Variants in RNF146 observed in about 807,000 individuals in gnomAD.
RNF146 encodes E3 ubiquitin-protein ligase RNF146.
Under a neutral mutation model 29.7 loss-of-function variants are expected in RNF146, and 11 were observed. That is an observed-to-expected ratio of 0.37 (90% confidence interval 0.23 to 0.61). The LOEUF (loss-of-function observed/expected upper bound fraction) is 0.61. RNF146 is among the 20% of genes least tolerant of loss of function. The pLI, the probability that RNF146 is intolerant of heterozygous loss-of-function variation, is 0.66. For synonymous variants in RNF146, 150 were observed against 159.7 expected, an observed-to-expected ratio of 0.94 and a Z score of 0.46; for missense variants, 342 against 438.9, an observed-to-expected ratio of 0.78 and a Z score of 1.97.
In RNF146 at chr6:127,286,499, C is replaced by G. The variant is rs4266509; in HGVS notation, c.3-117C>G. ...ACTTTCATCTTCATATCCCCATTGT[C>G]TAGTATGTGGCTTGCATATAATGCA... On this transcript the variant is annotated intron_variant, in intron 2 of 2. Transcript: ENST00000368314. This position sits in a 1 kb window ranked among gnomAD's most constrained non-coding sequence, Gnocchi z 4.6. 1 of 965,822 alleles carries G rather than the reference C, an allele frequency of 1.0e-6. No homozygotes were observed. The highest frequency in any genetic ancestry group is 1.5e-6 in the Non-Finnish European group (1 of 664,394). 59.8% of individuals were successfully genotyped at this position (965,822 alleles called of 1,614,324 possible). A position where few individuals can be genotyped will look rare whatever the true frequency, so the allele number is the denominator to read the frequency against.
chr6:127,278,279 T>C (rs1402254645), intron 1 of RNF146, among the ~76,000 whole-genome samples: 1 of 151,792 alleles, frequency 6.6e-6, no homozygotes, highest in African/African-American at 2.4e-5. Flanking sequence ...ATTTACAATG[T>C]TATGCAACTA....
chr6:127,270,000 A>G (rs1777238283), intron 1 of RNF146, among the ~76,000 whole-genome samples: 1 of 152,118 alleles, frequency 6.6e-6, no homozygotes, highest in Admixed American at 6.5e-5. Flanking sequence ...TTGTTTTTAT[A>G]TGTATTTATA....
chr6:127,271,131 A>G (rs1369679088), intron 1 of RNF146, among the ~76,000 whole-genome samples: 2 of 152,166 alleles, frequency 1.3e-5, no homozygotes, highest in Admixed American at 1.3e-4. Flanking sequence ...GATTTTTTAA[A>G]TAATGTTTTC....
rs765449163 is a variant in RNF146 at position 127,287,223 on chromosome 6, G to A, written c.610G>A (p.Val204Ile). The change falls in exon 3 of 3, where the codon GTA becomes ATA. Residue 204 changes from valine (V) to isoleucine (I), a missense_variant. Val to Ile is a conservative substitution (Grantham distance 29). Transcript: ENST00000368314. ...GAGCTCTGCTGACGGAGCGGACAGTGTATCAGCACAGAGTGGAGCTTCTGT... is the reference window on the plus strand; with the variant it reads ...GAGCTCTGCTGACGGAGCGGACAGTATATCAGCACAGAGTGGAGCTTCTGT... ...RESSADGADS[V>I]SAQSGASVQP... 2 of 1,613,422 alleles carry A rather than the reference G, an allele frequency of 1.2e-6. No individual in the cohort carries two copies. Among genetic ancestry groups the A allele is most frequent in the Non-Finnish European group, 1.7e-6 (2 of 1,179,628 alleles).
Position 127,286,937 on chromosome 6 carries a change from T to C in RNF146, c.324T>C (p.Tyr108=), listed in dbSNP as rs756987140. The C allele has an allele frequency of 4.3e-6, 7 of 1,613,464 alleles. No individual in the cohort carries two copies. Among genetic ancestry groups the C allele is most frequent in the South Asian group, 1.1e-5 (1 of 91,078 alleles). The change falls in exon 3 of 3, where the codon TAT becomes TAC. Residue 108 remains tyrosine (Y), a synonymous_variant. Transcript: ENST00000368314. This position sits in a 1 kb window ranked among gnomAD's most constrained non-coding sequence, Gnocchi z 4.6. ...GAAATGGTGAATATGCATGGTATTATGAAGGAAGAAATGGGTGGTGGCAGT... is the reference window on the plus strand; with the variant it reads ...GAAATGGTGAATATGCATGGTATTACGAAGGAAGAAATGGGTGGTGGCAGT... The part of the protein sequence containing the change: ...SRGNGEYAWY[Y]EGRNGWWQYD...
rs993972320 is a variant in RNF146 at position 127,288,247 on chromosome 6, C to T, written c.*554C>T. 6.0e-6 allele frequency: 1 copy of T among 166,964 alleles called. No individual in the cohort carries two copies. Among genetic ancestry groups the T allele is most frequent in the Non-Finnish European group, 1.5e-5 (1 of 68,152 alleles). The allele number at this position is 166,964 out of a possible 1,614,324, so 10.3% of individuals were successfully genotyped here. On this transcript the variant is annotated 3_prime_UTR_variant, in exon 3 of 3. Transcript: ENST00000368314. ...GTTTCAGAATGTTTGTAACACACTT[C>T]ATGGTGTTCCCATAGGCTTTGCTGT...
At chr6:127,276,646 A>G (rs908676902) in intron 1 of RNF146, among the ~76,000 whole-genome samples, 1 of 152,030 alleles carries the variant, frequency 6.6e-6, no homozygotes, top group African/African-American at 2.4e-5. Flanking sequence ...GTAGGTCCCC[A>G]TGAAATTGAA....
At chr6:127,275,659 CAT>C (rs549648981) in intron 1 of RNF146, among the ~76,000 whole-genome samples, 24 of 152,082 alleles carry the variant, frequency 1.6e-4, no homozygotes, top group African/African-American at 4.8e-4. Context: ...ACATACAAAA[CAT>C]AGAGGAGAGA....
chr6:127,269,307 CTG>C (rs761537152), intron 1 of RNF146, among the ~76,000 whole-genome samples: 1 of 152,246 alleles, frequency 6.6e-6, no homozygotes, highest in Middle Eastern at 3.4e-3. Flanking sequence ...TAACAAAAGA[CTG>C]GGGGTTATGA....
chr6:127,270,252 T>C (rs994612204), intron 1 of RNF146, among the ~76,000 whole-genome samples: 5 of 152,212 alleles, frequency 3.3e-5, no homozygotes, highest in Admixed American at 1.3e-4. Flanking sequence ...CCTTTGTGTA[T>C]TTTTAAGTTT....
At chr6:127,284,499 A>G (rs917007540) in intron 2 of RNF146, among the ~76,000 whole-genome samples, 3 of 151,890 alleles carry the variant, frequency 2.0e-5, no homozygotes, top group Non-Finnish European at 4.4e-5. Context: ...GGAACTTGGA[A>G]CAAAAAGATT....
intron 2 of RNF146, 165 bp downstream of exon 2, chr6:127,280,505 C>T (rs1778786553): frequency 1.2e-5 from 15 of 1,253,514 alleles, no homozygotes; most frequent in South Asian, 8.6e-5. Context: ...ATTAAGTTAT[C>T]GTTAATGTAG....
intron 1 of RNF146, among the ~76,000 whole-genome samples, chr6:127,274,452 TA>T (rs5879845): frequency 0.21 from 32,191 of 152,092 alleles, 4,441 homozygotes; most frequent in Non-Finnish European, 0.32. Context: ...AGGAATAAAT[TA>T]GATTGGTTAC....
At chr6:127,268,804 TTTTG>T (rs1414098283) in intron 1 of RNF146, among the ~76,000 whole-genome samples, 2 of 152,102 alleles carry the variant, frequency 1.3e-5, no homozygotes, top group Admixed American at 1.3e-4. Flanking sequence ...TTACAAAGTG[TTTTG>T]TTTCAGTCTC....
intron 2 of RNF146, chr6:127,285,907 C>A: frequency 2.1e-6 from 1 of 473,510 alleles, no homozygotes; most frequent in Non-Finnish European, 3.3e-6. Context: ...TTAGACCCAT[C>A]AGTACTTAGT....
At chr6:127,267,837 C>T (rs1776881290) in intron 1 of RNF146, among the ~76,000 whole-genome samples, 1 of 152,160 alleles carries the variant, frequency 6.6e-6, no homozygotes, top group Non-Finnish European at 1.5e-5. Flanking sequence ...TACCCTCCAT[C>T]CCGTCTGAAG....
intron 2 of RNF146, among the ~76,000 whole-genome samples, chr6:127,282,978 T>G (rs2114497402): frequency 6.6e-6 from 1 of 151,968 alleles, no homozygotes; most frequent in South Asian, 2.1e-4. Context: ...TCTTGAATAC[T>G]ACACATACTA....
rs1469784083 is a variant in RNF146, at chr6:127,288,371, C to T, written c.*678C>T. On this transcript the variant is annotated 3_prime_UTR_variant, in exon 3 of 3. Transcript: ENST00000368314. ...CTAGAGTTTATCAAAAACAGTTTGT[C>T]TCTTGTTTGAGGGTGGAAAGGGTGT... The T allele has an allele frequency of 6.0e-6, 1 of 166,714 alleles. No homozygotes were observed. Among genetic ancestry groups the T allele is most frequent in the Non-Finnish European group, 1.5e-5 (1 of 68,024 alleles). The allele number at this position is 166,714 out of a possible 1,614,324, so 10.3% of individuals were successfully genotyped here. A position where few individuals can be genotyped will look rare whatever the true frequency, so the allele number is the denominator to read the frequency against.
rs371143357 is a variant in RNF146 at position 127,287,625 on chromosome 6, G to T, written c.1012G>T (p.Gly338Cys). ...RSGTDRSVAG[G>C]GTVSVSVRSR... ...GGGAACTGATCGATCAGTAGCAGGG[G>T]GTGGAACAGTGAGTGTCAGTGTCAG... is the stretch of plus-strand genomic sequence containing the variant. The change falls in exon 3 of 3, where the codon GGT becomes TGT. Residue 338 changes from glycine (G) to cysteine (C), a missense_variant. Physicochemically the swap from Gly to Cys is radical, Grantham distance 159. Coordinates refer to ENST00000368314, the MANE Select transcript of RNF146 (RefSeq NM_001242850.2). 5 of 1,611,856 alleles carry T rather than the reference G, an allele frequency of 3.1e-6. No homozygotes were observed. Among genetic ancestry groups the T allele is most frequent in the Non-Finnish European group, 4.2e-6 (5 of 1,178,620 alleles).
Sources: gnomAD v4.1 joint callset for allele counts (sites outside exome capture counted in the v4.1 genomes callset) on GRCh38, gnomAD v4.1.1 for gene constraint, Gnocchi (gnomAD v3.1) non-coding constraint, MANE v1.5 for transcripts, NCBI Gene and HGNC (gene_info 2026-07-23, HGNC 2026-07-21) for gene names.